SULT6B1: variants seen among roughly 807,000 people sequenced by gnomAD.
SULT6B1 encodes sulfotransferase 6B1.
In SULT6B1, 44 loss-of-function variants were observed where a neutral mutation model predicts 37.2. The ratio of observed to expected loss-of-function variants is 1.18; its 90% CI spans 0.93 to 1.52. SULT6B1 has a LOEUF of 1.52. SULT6B1 is among the 40% of genes most tolerant of loss of function. The probability of loss-of-function intolerance (pLI) is 0.00; values close to 1 mark genes in which losing one functional copy is unlikely to be tolerated. For synonymous variants in SULT6B1, 140 were observed against 126.0 expected, an observed-to-expected ratio of 1.11 and a Z score of -0.74; for missense variants, 450 against 361.0, an observed-to-expected ratio of 1.25 and a Z score of -2.00.
At chr2:37,179,914 C>T (rs1342046016) in intron 3 of SULT6B1, among the ~76,000 whole-genome samples, 1 of 152,060 alleles carries the variant, frequency 6.6e-6, no homozygotes, top group Non-Finnish European at 1.5e-5. Context: ...CTTAAATCCT[C>T]AAATAAAAAT....
intron 4 of SULT6B1, among the ~76,000 whole-genome samples, chr2:37,179,202 C>T (rs1676495705): frequency 6.6e-6 from 1 of 152,198 alleles, no homozygotes; most frequent in Admixed American, 6.5e-5. Context: ...TTGTGATCTG[C>T]CCGCCTCGGC....
At chr2:37,175,090 T>A (rs750590075) in intron 5 of SULT6B1, 42 bp downstream of exon 5, 4 of 1,251,364 alleles carry the variant, frequency 3.2e-6, no homozygotes, top group Non-Finnish European at 4.5e-6. Flanking sequence ...TACGTTGTAG[T>A]TTACAATAAA....
At chr2:37,182,657 T>C (rs932291199) in intron 3 of SULT6B1, among the ~76,000 whole-genome samples, 4 of 152,012 alleles carry the variant, frequency 2.6e-5, no homozygotes, top group Non-Finnish European at 5.9e-5. Flanking sequence ...TGATTGTAAC[T>C]AATTCAAATC....
At chr2:37,189,657 C>T (rs1676742829), upstream of SULT6B1, among the ~76,000 whole-genome samples, 1 of 152,102 alleles carries the variant, frequency 6.6e-6, no homozygotes. Context: ...TAGTGTAGTG[C>T]CCCCAGAAGG....
At chr2:37,187,506 T>C (rs1676700444) in intron 1 of SULT6B1, 39 bp from the exon 2 acceptor site, 3 of 1,301,788 alleles carry the variant, frequency 2.3e-6, no homozygotes, top group South Asian at 1.4e-5. Flanking sequence ...CATTACGGAG[T>C]CTTGATATAA....
At position 37,175,192 on chromosome 2, in the gene SULT6B1, A is replaced by T; in HGVS notation, c.564T>A (p.Asn188Lys). ...SWGRYFDFAI[N>K]WNKHLDGDNV... ...TGTCGCCATCAAGATGTTTGTTCCA[A>T]TTGATTGCAAAATCAAAATACCTTC... Residue 188 changes from asparagine to lysine, a missense_variant, in exon 5 of 7, where the codon AAT becomes AAA. By Grantham distance (94) the Asn-to-Lys change is moderately conservative (BLOSUM62 0). Coordinates refer to ENST00000535679, the MANE Select transcript of SULT6B1 (RefSeq NM_001367551.1). 2 of 1,591,478 alleles carry T rather than the reference A, an allele frequency of 1.3e-6. No homozygotes were observed. The highest frequency in any genetic ancestry group is 1.7e-6 in the Non-Finnish European group (2 of 1,168,030).
intron 5 of SULT6B1, among the ~76,000 whole-genome samples, chr2:37,174,885 A>G (rs114144689): frequency 6.6e-6 from 1 of 152,194 alleles, no homozygotes; most frequent in Non-Finnish European, 1.5e-5. Flanking sequence ...TGAACTATCC[A>G]TCATAAAGGG....
rs887964662 is a variant in SULT6B1, at chr2:37,188,510, G to A, written c.131C>T (p.Thr44Ile). ...TTCGAAGGTGTCCAGCGCTTGGAAA[G>A]TTTCTGAGGTGCACATGGTGATGGG... ...PYPITMCTSETFQALDTFEAR... is the reference protein window; with the variant it reads ...PYPITMCTSEIFQALDTFEAR... The change falls in exon 1 of 7, where the codon ACT (threonine) becomes ATT (isoleucine). Residue 44 changes from threonine to isoleucine, a missense_variant. Transcript: ENST00000535679. 1.1e-5 allele frequency: 18 copies of A among 1,614,086 alleles called. No homozygotes were observed. The highest frequency in any genetic ancestry group is 1.5e-5 in the Non-Finnish European group (18 of 1,180,022).
intron 2 of SULT6B1, among the ~76,000 whole-genome samples, chr2:37,186,471 T>C (rs750681032): frequency 9.9e-5 from 15 of 152,090 alleles, no homozygotes; most frequent in Non-Finnish European, 1.8e-4. Context: ...ATTGGGAAGG[T>C]AAGTAACAAC....
intron 4 of SULT6B1, among the ~76,000 whole-genome samples, 182 bp downstream of exon 4, chr2:37,179,276 C>T (rs10205526): frequency 0.3 from 44,920 of 152,078 alleles, 7,690 homozygotes; most frequent in East Asian, 0.79. Context: ...GTTTTTAAAA[C>T]AGCAATGCAT....
At chr2:37,177,574 G>T (rs74864674) in intron 4 of SULT6B1, among the ~76,000 whole-genome samples, 1 of 152,058 alleles carries the variant, frequency 6.6e-6, no homozygotes, top group Non-Finnish European at 1.5e-5. Context: ...GAAGTCAAAA[G>T]GTACAAACTT....
At chr2:37,189,547 T>C (rs1198866985), upstream of SULT6B1, among the ~76,000 whole-genome samples, 3 of 152,178 alleles carry the variant, frequency 2.0e-5, no homozygotes, top group Non-Finnish European at 4.4e-5. Flanking sequence ...CCATGATTCT[T>C]CCTTTAGGGT....
intron 4 of SULT6B1, among the ~76,000 whole-genome samples, chr2:37,176,275 T>TG (rs1676425822): frequency 6.7e-6 from 1 of 149,120 alleles, no homozygotes; most frequent in Non-Finnish European, 1.5e-5. Context: ...TTTTTTTTTT[T>TG]TTTTTGAGAT....
Position 37,180,312 on chromosome 2 carries a change from C to A in SULT6B1, c.403-728G>T, listed in dbSNP as rs142704331. On this transcript the variant is annotated intron_variant, in intron 3 of 6. Transcript: ENST00000535679. ...CAACTAGAACAGGCAGAAGTCATTT[C>A]ATTTTCAGAAAGGGGAAAGATGTGG... Among the ~76,000 whole-genome samples, 37 of 152,156 alleles carry A rather than the reference C, an allele frequency of 2.4e-4. 1 individual carries two copies. Among genetic ancestry groups the A allele is most frequent in the African/African-American group, 8.9e-4 (37 of 41,436 alleles).
intron 3 of SULT6B1, 56 bp downstream of exon 3, chr2:37,183,369 A>C (rs1177828842): frequency 7.3e-7 from 1 of 1,365,016 alleles, no homozygotes; most frequent in Non-Finnish European, 1.0e-6. Flanking sequence ...TACTTCCAAA[A>C]ACTAATATCT....
At chr2:37,193,551 C>T (rs1252737430), upstream of SULT6B1, among the ~76,000 whole-genome samples, 2 of 123,180 alleles carry the variant, frequency 1.6e-5, no homozygotes, top group Non-Finnish European at 1.6e-5. Context: ...TTTTTCCAGT[C>T]TATAGACATT....
In SULT6B1 at chr2:37,187,311, T is replaced by G. The variant is rs767733116; in HGVS notation, c.312+44A>C. 2.3e-6 allele frequency: 3 copies of G among 1,281,010 alleles called. No homozygotes were observed. The African/African-American group carries it at 4.5e-5, about 19-fold the overall frequency. 79.4% of individuals were successfully genotyped at this position (1,281,010 alleles called of 1,614,324 possible). A position where few individuals can be genotyped will look rare whatever the true frequency, so the allele number is the denominator to read the frequency against. ...AGAATCTCCAAACCGGAAGAAATCT[T>G]TCTATGATAATTTGCTGTAAGGTTA... On this transcript the variant is annotated intron_variant, in intron 2 of 6. Transcript: ENST00000535679.
chr2:37,190,147 T>A (rs767126559), upstream of SULT6B1, among the ~76,000 whole-genome samples: 14 of 152,244 alleles, frequency 9.2e-5, no homozygotes, highest in Non-Finnish European at 1.3e-4. Flanking sequence ...TTATAGCAGT[T>A]TAGCCTATAT....
At chr2:37,172,152 G>C (rs1676317884) in intron 5 of SULT6B1, among the ~76,000 whole-genome samples, 1 of 151,912 alleles carries the variant, frequency 6.6e-6, no homozygotes, top group Non-Finnish European at 1.5e-5. Context: ...CTGGGCTCCA[G>C]CAATCCTCAC....
Sources: gnomAD v4.1 joint callset for allele counts (sites outside exome capture counted in the v4.1 genomes callset) on GRCh38, gnomAD v4.1.1 for gene constraint, MANE v1.5 for transcripts, NCBI Gene and HGNC (gene_info 2026-07-23, HGNC 2026-07-21) for gene names.